The following PCDH11X variants were observed in gnomAD, a reference collection of about 807,000 sequenced individuals.
PCDH11X encodes the protein protocadherin 11 X-linked, also known as protocadherin-11 X-linked.
Under a neutral mutation model 53.3 loss-of-function variants are expected in PCDH11X, and 18 were observed. The ratio of observed to expected loss-of-function variants is 0.34; its 90% CI spans 0.23 to 0.50. The LOEUF is 0.50. PCDH11X is among the 20% of genes least tolerant of loss of function. The pLI, the probability that PCDH11X is intolerant of heterozygous loss-of-function variation, is 0.98. For missense variants in PCDH11X, 570 were observed against 1,032.4 expected (o/e 0.55, Z 6.14); for synonymous variants, 279 against 393.3 (o/e 0.71, Z 3.44).
chrX:92,091,139 C>A (rs1195380454), intron 6 of PCDH11X, among the ~76,000 whole-genome samples: 1 of 110,918 alleles, frequency 9.0e-6, no homozygotes, highest in Non-Finnish European at 1.9e-5. Context: ...AGTAGCAATG[C>A]TTTAGTGAGA....
chrX:92,331,510 G>T (rs2069489855), intron 8 of PCDH11X, among the ~76,000 whole-genome samples: 2 of 105,736 alleles, frequency 1.9e-5, no homozygotes, highest in Non-Finnish European at 3.9e-5. Flanking sequence ...AAAACTTTTT[G>T]CCTGCCATCA....
chrX:92,325,227 A>C (rs773372489), intron 8 of PCDH11X, among the ~76,000 whole-genome samples: 19 of 110,834 alleles, frequency 1.7e-4, no homozygotes, highest in African/African-American at 5.9e-4. Flanking sequence ...TAAACTTGGC[A>C]ACATTCTATG....
rs181183179 is a variant in PCDH11X at position 92,280,107 on chromosome X, C to A, written c.3144+16964C>A. Among the ~76,000 whole-genome samples, 9 of 112,167 alleles carry A rather than the reference C, an allele frequency of 8.0e-5. 1 individual carries two copies. The highest frequency in any genetic ancestry group is 2.9e-4 in the African/African-American group (9 of 30,881). On this transcript the variant is annotated intron_variant, in intron 8 of 10. Transcript: ENST00000682573. ...TGTAGACTAAAAGCAATAGGCTATACCATATACACATGCATACACATAGAA... is the reference window on the plus strand; with the variant it reads ...TGTAGACTAAAAGCAATAGGCTATAACATATACACATGCATACACATAGAA...
At chrX:92,327,073 G>A (rs749902559) in intron 8 of PCDH11X, among the ~76,000 whole-genome samples, 99 of 108,582 alleles carry the variant, frequency 9.1e-4, no homozygotes, top group Middle Eastern at 4.9e-3. Flanking sequence ...ACTCACTATA[G>A]CGTAAAAATA....
chrX:91,802,814 A>C (rs2147543490), intron 1 of PCDH11X, among the ~76,000 whole-genome samples: 1 of 111,827 alleles, frequency 8.9e-6, no homozygotes, highest in African/African-American at 3.2e-5. Context: ...AATCATAATT[A>C]TCAGTGGAAC....
intron 10 of PCDH11X, among the ~76,000 whole-genome samples, chrX:92,509,278 T>C (rs1301968661): frequency 2.7e-5 from 3 of 111,141 alleles, no homozygotes; most frequent in South Asian, 3.8e-4. Context: ...CTGTAGATGA[T>C]GTTGAAGTGG....
intron 6 of PCDH11X, among the ~76,000 whole-genome samples, chrX:92,100,330 T>G (rs1289378801): frequency 2.7e-5 from 3 of 110,722 alleles, no homozygotes; most frequent in African/African-American, 9.9e-5. Flanking sequence ...GGCTCAGTCC[T>G]AAAAGAGAGT....
chrX:92,079,732 G>C (rs1313836854), intron 6 of PCDH11X, among the ~76,000 whole-genome samples: 1 of 111,448 alleles, frequency 9.0e-6, no homozygotes, highest in Non-Finnish European at 1.9e-5. Context: ...CATAGAACAT[G>C]ACTACTTCGA....
intron 10 of PCDH11X, among the ~76,000 whole-genome samples, chrX:92,477,893 A>T (rs1223713238): frequency 1.9e-5 from 2 of 105,560 alleles, no homozygotes; most frequent in East Asian, 6.1e-4. Context: ...GAGTGTACCT[A>T]GAAATCTGAT....
rs368817113 is a variant in PCDH11X at position 92,598,495 on chromosome X, A to G, written c.3368-19769A>G. 3.6e-4 allele frequency among the ~76,000 whole-genome samples: 39 copies of G among 107,471 alleles called. No individual in the cohort carries two copies. The East Asian group carries it at 9.2e-3, about 25-fold the overall frequency. 93.3% of individuals were successfully genotyped at this position (107,471 alleles called of 115,157 possible). A position where few individuals can be genotyped will look rare whatever the true frequency, so the allele number is the denominator to read the frequency against. ...CAGATAAATGCAAATAAAAACTACAATGAGATATCATCTCGCCCCAGTTAA... is the reference window on the plus strand; with the variant it reads ...CAGATAAATGCAAATAAAAACTACAGTGAGATATCATCTCGCCCCAGTTAA... On this transcript the variant is annotated intron_variant, in intron 10 of 10. Coordinates refer to ENST00000682573, the MANE Select transcript of PCDH11X (RefSeq NM_032968.5).
At chrX:91,851,361 CTT>C (rs948916411) in intron 5 of PCDH11X, among the ~76,000 whole-genome samples, 3 of 111,335 alleles carry the variant, frequency 2.7e-5, no homozygotes, top group Admixed American at 1.9e-4. Context: ...TTAGATGTAA[CTT>C]AAACATAAAA....
At chrX:91,869,623 A>G (rs1231933820) in intron 5 of PCDH11X, among the ~76,000 whole-genome samples, 2 of 111,363 alleles carry the variant, frequency 1.8e-5, no homozygotes, top group Non-Finnish European at 3.8e-5. Context: ...CTGATTAGCA[A>G]CAATTAGGAG....
At chrX:92,189,396 T>C (rs924933671) in intron 6 of PCDH11X, among the ~76,000 whole-genome samples, 1 of 112,131 alleles carries the variant, frequency 8.9e-6, no homozygotes, top group African/African-American at 3.2e-5. Flanking sequence ...ATCTTGTTCC[T>C]TTTTATGGCT....
chrX:92,617,736 G>A (rs921259441), intron 10 of PCDH11X, among the ~76,000 whole-genome samples: 14 of 111,116 alleles, frequency 1.3e-4, no homozygotes, highest in African/African-American at 2.3e-4. Context: ...AAAGGATACC[G>A]AAATCACTTA....
At chrX:92,446,790 G>A (rs2072660519) in intron 9 of PCDH11X, among the ~76,000 whole-genome samples, 1 of 111,490 alleles carries the variant, frequency 9.0e-6, no homozygotes, top group African/African-American at 3.3e-5. Flanking sequence ...AACAAGCAGG[G>A]GTTGGAACAG....
chrX:91,968,053 A>C (rs2061892374), intron 6 of PCDH11X, among the ~76,000 whole-genome samples: 1 of 111,786 alleles, frequency 8.9e-6, no homozygotes, highest in Admixed American at 9.5e-5. Flanking sequence ...GGTTCTATAA[A>C]GTGAATTGCA....
chrX:91,962,437 G>A (rs2061801177), intron 6 of PCDH11X, among the ~76,000 whole-genome samples: 1 of 112,728 alleles, frequency 8.9e-6, no homozygotes, highest in South Asian at 3.7e-4. Context: ...TACAAGGTGT[G>A]CTGATGCAAG....
chrX:92,427,320 A>G (rs780653327), intron 9 of PCDH11X, among the ~76,000 whole-genome samples: 1 of 94,580 alleles, frequency 1.1e-5, no homozygotes, highest in South Asian at 5.9e-4. Flanking sequence ...GTATCCTGGG[A>G]CAGAAAGCAA....
At chrX:92,191,202 C>T (rs930390685) in intron 6 of PCDH11X, among the ~76,000 whole-genome samples, 1 of 112,165 alleles carries the variant, frequency 8.9e-6, no homozygotes, top group Non-Finnish European at 1.9e-5. Context: ...TAGATAATTG[C>T]TCAAGGTTAA....
Sources: allele counts gnomAD v4.1 joint callset (sites outside exome capture counted in the v4.1 genomes callset), GRCh38; gene constraint gnomAD v4.1.1; transcripts MANE v1.5; gene names NCBI Gene and HGNC (gene_info 2026-07-23, HGNC 2026-07-21).